KIAA1549L: variants seen among roughly 807,000 people sequenced by gnomAD.
KIAA1549L encodes KIAA1549 like.
KIAA1549L carries 88 observed loss-of-function variants against 160.7 expected under a neutral mutation model. The observed-to-expected ratio is 0.55, with a 90% CI of 0.46 to 0.65. The LOEUF (loss-of-function observed/expected upper bound fraction) is 0.65. Ranked by LOEUF, KIAA1549L falls within the 30% of genes least tolerant of loss-of-function variation. The pLI is 0.00. For synonymous variants in KIAA1549L, 950 were observed against 976.7 expected, an observed-to-expected ratio of 0.97 and a Z score of 0.51; for missense variants, 2,258 against 2,437.5, an observed-to-expected ratio of 0.93 and a Z score of 1.55.
intron 1 of KIAA1549L, among the ~76,000 whole-genome samples, chr11:33,510,297 T>G (rs781149880): frequency 2.0e-5 from 3 of 152,172 alleles, no homozygotes; most frequent in Non-Finnish European, 4.4e-5. Flanking sequence ...GTGATTCTCC[T>G]GCCTCAGCCC....
chr11:33,605,181 TTTTGTTTTG>T (rs1334234778), intron 13 of KIAA1549L, among the ~76,000 whole-genome samples: 1 of 148,962 alleles, frequency 6.7e-6, no homozygotes, highest in Non-Finnish European at 1.5e-5. Context: ...TTTTGTTTTG[TTTTGTTTTG>T]TTTTTTTACA....
intron 16 of KIAA1549L, among the ~76,000 whole-genome samples, chr11:33,642,567 A>G (rs1426209115): frequency 6.7e-6 from 1 of 148,894 alleles, no homozygotes; most frequent in Admixed American, 6.8e-5. Flanking sequence ...CGATTGGCTG[A>G]TTTAAAGAGA....
intron 1 of KIAA1549L, among the ~76,000 whole-genome samples, chr11:33,514,946 A>G (rs1399065273): frequency 6.6e-6 from 1 of 152,226 alleles, no homozygotes; most frequent in Non-Finnish European, 1.5e-5. Flanking sequence ...GGTGCATAAA[A>G]TTGATATTTT....
At chr11:33,631,749 C>A (rs1050021196) in intron 16 of KIAA1549L, among the ~76,000 whole-genome samples, 1 of 152,184 alleles carries the variant, frequency 6.6e-6, no homozygotes, top group Non-Finnish European at 1.5e-5. Flanking sequence ...ATACCCCAAT[C>A]AAAGCCTTCA....
At chr11:33,525,982 C>A (rs966597249) in intron 1 of KIAA1549L, among the ~76,000 whole-genome samples, 14 of 152,124 alleles carry the variant, frequency 9.2e-5, no homozygotes, top group Admixed American at 9.2e-4. Context: ...GCAAGCCCTG[C>A]CCAAAGAGAG....
At chr11:33,535,552 G>A (rs974719687) in intron 1 of KIAA1549L, among the ~76,000 whole-genome samples, 6 of 151,944 alleles carry the variant, frequency 3.9e-5, no homozygotes, top group Non-Finnish European at 7.4e-5. Flanking sequence ...CGTGCCTGTC[G>A]TCCCAGCTAT....
At chr11:33,573,323 A>G (rs932430508) in intron 9 of KIAA1549L, among the ~76,000 whole-genome samples, 1 of 152,112 alleles carries the variant, frequency 6.6e-6, no homozygotes, top group Non-Finnish European at 1.5e-5. Flanking sequence ...GTGAATCTGA[A>G]TTTTGTATTA....
At chr11:33,417,705 C>A (rs1850916415) in intron 1 of KIAA1549L, among the ~76,000 whole-genome samples, 1 of 152,206 alleles carries the variant, frequency 6.6e-6, no homozygotes, top group Non-Finnish European at 1.5e-5. Context: ...AACCATCCTA[C>A]TCTAGGGAGC....
At chr11:33,464,924 G>A (rs76446979) in intron 1 of KIAA1549L, among the ~76,000 whole-genome samples, 2,043 of 151,826 alleles carry the variant, frequency 0.013, 50 homozygotes, top group African/African-American at 0.043. Context: ...ATTGAACTTC[G>A]TGCAAATGTA....
rs538743441 is a variant in KIAA1549L, at chr11:33,441,934, G to A, written c.238+65045G>A. ...AAGCTCTTTAATTTAATTAGATCCC[G>A]TTTGTCAATTTTGGCTTTTGTTGCC... On this transcript the variant is annotated intron_variant, in intron 1 of 20. Transcript: ENST00000658780. Among the ~76,000 whole-genome samples, 1,511 of 152,094 alleles carry A rather than the reference G, an allele frequency of 9.9e-3. 21 individuals carry two copies. The highest frequency in any genetic ancestry group is 0.026 in the African/African-American group (1,096 of 41,474).
At chr11:33,585,872 A>G (rs923326310) in intron 11 of KIAA1549L, among the ~76,000 whole-genome samples, 11 of 152,178 alleles carry the variant, frequency 7.2e-5, no homozygotes, top group African/African-American at 2.7e-4. Flanking sequence ...ATTGAACATC[A>G]AGCAAATTTA....
intron 11 of KIAA1549L, among the ~76,000 whole-genome samples, chr11:33,584,010 T>C (rs1432247563): frequency 6.6e-6 from 1 of 152,164 alleles, no homozygotes; most frequent in Admixed American, 6.5e-5. Flanking sequence ...ATAGGGCCTT[T>C]GGGAGGAGAT....
chr11:33,408,418 C>A (rs1382250714), intron 1 of KIAA1549L, among the ~76,000 whole-genome samples: 1 of 150,824 alleles, frequency 6.6e-6, no homozygotes, highest in African/African-American at 2.5e-5. Context: ...TATCTAATAT[C>A]TTCCAAGTCT....
chr11:33,412,959 C>T (rs1317605583), intron 1 of KIAA1549L, among the ~76,000 whole-genome samples: 1 of 151,930 alleles, frequency 6.6e-6, no homozygotes, highest in African/African-American at 2.4e-5. Context: ...AGCTATAGTC[C>T]TAATGAATAT....
At chr11:33,562,368 G>A (rs1282645960) in intron 8 of KIAA1549L, among the ~76,000 whole-genome samples, 1 of 152,228 alleles carries the variant, frequency 6.6e-6, no homozygotes, top group East Asian at 1.9e-4. Context: ...GCCTAGCCAG[G>A]AAGGAGAGGA....
At chr11:33,603,427 A>T (rs532863421) in intron 13 of KIAA1549L, among the ~76,000 whole-genome samples, 18 of 152,252 alleles carry the variant, frequency 1.2e-4, no homozygotes, top group African/African-American at 3.6e-4. Flanking sequence ...AACTGGGCAT[A>T]TAGAGATCTG....
intron 1 of KIAA1549L, among the ~76,000 whole-genome samples, chr11:33,384,732 A>G (rs527674516): frequency 6.6e-6 from 1 of 152,096 alleles, no homozygotes; most frequent in South Asian, 2.1e-4. Context: ...ATATCTTTTC[A>G]TGTTCTTACT....
intron 1 of KIAA1549L, among the ~76,000 whole-genome samples, chr11:33,397,710 TCACACACACACACACACACA>T (rs71034679): frequency 6.3e-5 from 9 of 143,044 alleles, no homozygotes; most frequent in African/African-American, 7.9e-5. Flanking sequence ...AGACTCCATC[TCACACACACACACACACACA>T]CACACACACA....
At chr11:33,492,564 G>A (rs998808530) in intron 1 of KIAA1549L, among the ~76,000 whole-genome samples, 2 of 152,144 alleles carry the variant, frequency 1.3e-5, no homozygotes, top group African/African-American at 2.4e-5. Context: ...AGTCCTGGAC[G>A]TGGTTCTACT....
Sources: allele counts gnomAD v4.1 joint callset (sites outside exome capture counted in the v4.1 genomes callset), GRCh38; gene constraint gnomAD v4.1.1; transcripts MANE v1.5; gene names NCBI Gene and HGNC (gene_info 2026-07-23, HGNC 2026-07-21).